DGKI: variants seen among roughly 807,000 people sequenced by gnomAD.
The protein encoded by DGKI is DAG kinase iota.
In DGKI, 55 loss-of-function variants were observed where a neutral mutation model predicts 147.5. The ratio of observed to expected loss-of-function variants is 0.37; its 90% CI spans 0.30 to 0.47. The LOEUF (loss-of-function observed/expected upper bound fraction) is 0.47. Among genes scored for constraint, DGKI ranks in the 20% least tolerant of loss-of-function variants. The pLI, the probability that DGKI is intolerant of heterozygous loss-of-function variation, is 1.00. For synonymous variants in DGKI, 469 were observed against 477.1 expected, an observed-to-expected ratio of 0.98 and a Z score of 0.22; for missense variants, 1,007 against 1,323.8, an observed-to-expected ratio of 0.76 and a Z score of 3.71.
chr7:137,597,801 G>A, intron 12 of DGKI, 46 bp downstream of exon 12: 1 of 1,571,966 alleles, frequency 6.4e-7, no homozygotes, highest in Non-Finnish European at 8.7e-7. Context: ...AAAACAATAA[G>A]AAAGATAGAA....
intron 3 of DGKI, among the ~76,000 whole-genome samples, chr7:137,672,764 GTCTTTTTTTTTTTTTT>G (rs1304218862): frequency 1.9e-5 from 2 of 106,704 alleles, no homozygotes; most frequent in African/African-American, 3.8e-5. Context: ...GTCTCTGTGT[GTCTTTTTTTTTTTTTT>G]TTTTTTTTTT....
chr7:137,579,760 G>A (rs1819124045), intron 15 of DGKI, among the ~76,000 whole-genome samples: 1 of 152,036 alleles, frequency 6.6e-6, no homozygotes. Flanking sequence ...ATTTCATACT[G>A]CATCAAAACA....
At chr7:137,625,307 G>C (rs1820893218) in intron 6 of DGKI, among the ~76,000 whole-genome samples, 2 of 151,678 alleles carry the variant, frequency 1.3e-5, no homozygotes, top group African/African-American at 4.8e-5. Flanking sequence ...TAAAAATAGA[G>C]AAGTCAGCTG....
intron 20 of DGKI, among the ~76,000 whole-genome samples, chr7:137,544,265 C>A (rs1482544165): frequency 6.6e-6 from 1 of 152,160 alleles, no homozygotes; most frequent in African/African-American, 2.4e-5. Context: ...ATTCTCAATT[C>A]TTTGATCACA....
At chr7:137,461,966 C>A (rs2128924732) in intron 27 of DGKI, among the ~76,000 whole-genome samples, 1 of 151,972 alleles carries the variant, frequency 6.6e-6, no homozygotes, top group East Asian at 1.9e-4. Flanking sequence ...ATTTGTCATT[C>A]TTGGGAAGAA....
At chr7:137,645,777 G>T (rs190062080) in intron 5 of DGKI, among the ~76,000 whole-genome samples, 114 of 152,248 alleles carry the variant, frequency 7.5e-4, no homozygotes, top group African/African-American at 2.6e-3. Context: ...TTTTAATGTG[G>T]TAATACTATT....
intron 3 of DGKI, among the ~76,000 whole-genome samples, chr7:137,665,579 T>C (rs540739431): frequency 6.6e-6 from 1 of 152,196 alleles, no homozygotes; most frequent in South Asian, 2.1e-4. Flanking sequence ...AGAAGCATTC[T>C]GCATATGAAG....
intron 28 of DGKI, among the ~76,000 whole-genome samples, chr7:137,433,410 A>T (rs1358465982): frequency 1.3e-5 from 2 of 152,196 alleles, no homozygotes; most frequent in African/African-American, 4.8e-5. Flanking sequence ...TTGCAAGAGG[A>T]GGCCACCAAA....
intron 1 of DGKI, among the ~76,000 whole-genome samples, chr7:137,831,998 CT>C (rs1798233683): frequency 6.6e-6 from 1 of 152,232 alleles, no homozygotes; most frequent in Non-Finnish European, 1.5e-5. Context: ...AAATGATCAA[CT>C]TTGACTCCAT....
intron 1 of DGKI, among the ~76,000 whole-genome samples, chr7:137,845,780 C>T (rs902598812): frequency 2.0e-5 from 3 of 152,184 alleles, no homozygotes; most frequent in East Asian, 1.9e-4. Context: ...ACCTTCACCC[C>T]TAGCTTGCCA....
chr7:137,681,874 C>A (rs1823248358), intron 2 of DGKI, among the ~76,000 whole-genome samples: 1 of 152,232 alleles, frequency 6.6e-6, no homozygotes. Context: ...TCAGCTTGAC[C>A]CCCAGAGGGG....
intron 12 of DGKI, among the ~76,000 whole-genome samples, chr7:137,587,984 G>A (rs1438264741): frequency 3.3e-5 from 5 of 152,016 alleles, no homozygotes; most frequent in African/African-American, 7.2e-5. Context: ...AATTTGAAAT[G>A]GCAAAAAGGA....
At chr7:137,425,255 C>G (rs1269388523) in intron 28 of DGKI, among the ~76,000 whole-genome samples, 1 of 152,222 alleles carries the variant, frequency 6.6e-6, no homozygotes, top group African/African-American at 2.4e-5. Context: ...ATCTGCTGTT[C>G]TGCAGCGACT....
At chr7:137,541,515 C>A (rs939741123) in intron 20 of DGKI, among the ~76,000 whole-genome samples, 2 of 151,844 alleles carry the variant, frequency 1.3e-5, no homozygotes, top group Admixed American at 6.6e-5. Context: ...AGGTTATATG[C>A]AAATACCCGT....
intron 2 of DGKI, among the ~76,000 whole-genome samples, chr7:137,686,103 A>T (rs1040361858): frequency 6.6e-6 from 1 of 152,192 alleles, no homozygotes; most frequent in Non-Finnish European, 1.5e-5. Flanking sequence ...GCAGCCTGAA[A>T]TCTGACAGCC....
At chr7:137,518,168 G>A (rs908294336) in intron 21 of DGKI, among the ~76,000 whole-genome samples, 2 of 152,040 alleles carry the variant, frequency 1.3e-5, no homozygotes, top group Non-Finnish European at 2.9e-5. Context: ...ACCATTTTTG[G>A]AGAGCACACT....
intron 1 of DGKI, among the ~76,000 whole-genome samples, chr7:137,814,263 TC>T (rs1797672441): frequency 6.6e-6 from 1 of 152,152 alleles, no homozygotes; most frequent in Non-Finnish European, 1.5e-5. Flanking sequence ...GAACAGCTCC[TC>T]TGCACTGGAA....
intron 1 of DGKI, among the ~76,000 whole-genome samples, chr7:137,834,422 T>C (rs1481823094): frequency 6.6e-6 from 1 of 152,240 alleles, no homozygotes; most frequent in Non-Finnish European, 1.5e-5. Flanking sequence ...AAACCAACCA[T>C]ACTAATGAAC....
chr7:137,835,268 A>T (rs1032794709), intron 1 of DGKI, among the ~76,000 whole-genome samples: 6 of 152,084 alleles, frequency 3.9e-5, no homozygotes, highest in Non-Finnish European at 8.8e-5. Context: ...AATCCTTCAA[A>T]CTGTGGGTAG....
Sources: allele counts gnomAD v4.1 joint callset (sites outside exome capture counted in the v4.1 genomes callset), GRCh38; gene constraint gnomAD v4.1.1; transcripts MANE v1.5; gene names NCBI Gene and HGNC (gene_info 2026-07-23, HGNC 2026-07-21).